Variants in TENM2 observed in about 807,000 individuals in gnomAD.
The protein encoded by TENM2 is teneurin transmembrane protein 2.
In TENM2, 52 loss-of-function variants were observed where a neutral mutation model predicts 245.2. That is an observed-to-expected ratio of 0.21 (90% CI 0.17 to 0.27). The LOEUF (loss-of-function observed/expected upper bound fraction) is 0.27. Ranked by LOEUF, TENM2 falls within the 10% of genes least tolerant of loss-of-function variation. The pLI, the probability that TENM2 is intolerant of heterozygous loss-of-function variation, is 1.00. For synonymous variants in TENM2, 1,363 were observed against 1,438.9 expected (o/e 0.95, Z 1.19); for missense variants, 3,046 against 3,666.8 (o/e 0.83, Z 4.37).
chr5:167,026,710 G>C, the TENM2 span, among the ~76,000 whole-genome samples: 1 of 152,140 alleles, frequency 6.6e-6, no homozygotes, highest in Non-Finnish European at 1.5e-5. Context: ...TGGGGCTTGA[G>C]TGCTTTATTT....
the TENM2 span, among the ~76,000 whole-genome samples, chr5:167,238,768 G>T: frequency 6.7e-6 from 1 of 150,066 alleles, no homozygotes; most frequent in Non-Finnish European, 1.5e-5. Context: ...CCATATATCA[G>T]AAGCCTGTAA....
chr5:167,585,407 C>G (rs1201007891), intron 2 of TENM2, among the ~76,000 whole-genome samples: 1 of 152,192 alleles, frequency 6.6e-6, no homozygotes, highest in Non-Finnish European at 1.5e-5. Flanking sequence ...ACCATGGACT[C>G]TGAGCATTGT....
chr5:168,155,344 GAAAACA>G (rs1188376965), intron 12 of TENM2, among the ~76,000 whole-genome samples: 1 of 122,272 alleles, frequency 8.2e-6, no homozygotes, highest in African/African-American at 3.2e-5. Context: ...CAGCTCCAGG[GAAAACA>G]AAAACAAAAA....
chr5:167,451,717 G>A (rs891334714), intron 2 of TENM2, among the ~76,000 whole-genome samples: 2 of 151,670 alleles, frequency 1.3e-5, no homozygotes, highest in Non-Finnish European at 2.9e-5. Flanking sequence ...GGCGCGACCT[G>A]GGCTCACTGC....
At chr5:167,719,472 G>A (rs768596640) in intron 2 of TENM2, among the ~76,000 whole-genome samples, 1 of 152,224 alleles carries the variant, frequency 6.6e-6, no homozygotes, top group South Asian at 2.1e-4. Context: ...AACAGCTGGA[G>A]TGGGGTTTCC....
intron 2 of TENM2, among the ~76,000 whole-genome samples, chr5:167,419,900 A>G (rs1047019181): frequency 2.0e-5 from 3 of 152,218 alleles, no homozygotes; most frequent in African/African-American, 7.2e-5. Context: ...AAGTTCTACC[A>G]ATATAGTAAG....
At chr5:167,240,266 T>G in the TENM2 span, among the ~76,000 whole-genome samples, 1,228 of 152,144 alleles carry the variant, frequency 8.1e-3, 20 homozygotes, top group African/African-American at 0.028. Context: ...GCCTTTTTTT[T>G]TTTTGCTCTG....
intron 2 of TENM2, among the ~76,000 whole-genome samples, chr5:167,742,000 C>G (rs960348404): frequency 1.3e-5 from 2 of 152,174 alleles, no homozygotes; most frequent in Non-Finnish European, 2.9e-5. Context: ...CTTGTCATAT[C>G]AAGTCCCTCT....
At chr5:167,866,787 A>G (rs1757674078) in intron 2 of TENM2, among the ~76,000 whole-genome samples, 2 of 152,202 alleles carry the variant, frequency 1.3e-5, no homozygotes, top group African/African-American at 4.8e-5. Context: ...GGAAACCAGT[A>G]AAGGGAAAGG....
the TENM2 span, among the ~76,000 whole-genome samples, chr5:167,273,966 C>T: frequency 6.6e-6 from 1 of 152,010 alleles, no homozygotes; most frequent in Non-Finnish European, 1.5e-5. Flanking sequence ...GGAAGTAATA[C>T]AGAGATATCC....
chr5:167,006,366 T>C, the TENM2 span, among the ~76,000 whole-genome samples: 8 of 152,226 alleles, frequency 5.3e-5, no homozygotes, highest in African/African-American at 1.4e-4. Context: ...TCATTTCTTC[T>C]TAGAAGTAAG....
chr5:167,118,105 A>G, the TENM2 span, among the ~76,000 whole-genome samples: 1 of 152,168 alleles, frequency 6.6e-6, no homozygotes, highest in Non-Finnish European at 1.5e-5. Flanking sequence ...AGTTGCTGTT[A>G]TTTTATCAAG....
intron 2 of TENM2, chr5:167,755,005 G>A (rs759142821): frequency 1.3e-6 from 2 of 1,579,974 alleles, no homozygotes; most frequent in East Asian, 2.3e-5. Flanking sequence ...TTTTTCTGTA[G>A]TTAGAGGGAA....
chr5:167,347,849 C>T (rs1758564688), intron 1 of TENM2, among the ~76,000 whole-genome samples: 1 of 152,138 alleles, frequency 6.6e-6, no homozygotes, highest in Non-Finnish European at 1.5e-5. Context: ...TACCTTCTCC[C>T]TTCATGGAGA....
At chr5:167,124,317 T>C in the TENM2 span, among the ~76,000 whole-genome samples, 1 of 152,240 alleles carries the variant, frequency 6.6e-6, no homozygotes, top group African/African-American at 2.4e-5. Context: ...CTTCCTAATA[T>C]TAAACTGTGA....
chr5:167,188,153 A>C, the TENM2 span, among the ~76,000 whole-genome samples: 2 of 152,152 alleles, frequency 1.3e-5, no homozygotes, highest in African/African-American at 4.8e-5. Flanking sequence ...TCCCTAATGC[A>C]CTATAGCCCA....
intron 24 of TENM2, 76 bp downstream of exon 26, chr5:168,226,339 T>C: frequency 7.1e-7 from 1 of 1,416,242 alleles, no homozygotes; most frequent in East Asian, 2.4e-5. Context: ...AACATGTGAG[T>C]TATGCAGCCT....
the TENM2 span, among the ~76,000 whole-genome samples, chr5:167,021,326 A>G: frequency 6.6e-6 from 1 of 152,236 alleles, no homozygotes; most frequent in Non-Finnish European, 1.5e-5. Flanking sequence ...ATGTACTCAA[A>G]TGATTGCTGC....
At chr5:168,046,380 C>T (rs549919275) in intron 5 of TENM2, among the ~76,000 whole-genome samples, 4 of 152,260 alleles carry the variant, frequency 2.6e-5, no homozygotes, top group Non-Finnish European at 5.9e-5. Context: ...TGCCAGACAT[C>T]GTTTGGATGA....
Sources: allele counts gnomAD v4.1 joint callset (sites outside exome capture counted in the v4.1 genomes callset), GRCh38; gene constraint gnomAD v4.1.1; transcripts MANE v1.5; gene names NCBI Gene and HGNC (gene_info 2026-07-23, HGNC 2026-07-21).